The following NTRK3 variants were observed in gnomAD, a reference collection of about 807,000 sequenced individuals.
NTRK3 encodes the protein NT-3 growth factor receptor.
NTRK3 carries 24 observed loss-of-function variants against 91.7 expected under a neutral mutation model. That is an observed-to-expected ratio of 0.26 (90% CI 0.19 to 0.37). The LOEUF (loss-of-function observed/expected upper bound fraction) is 0.37. NTRK3 is among the 10% of genes least tolerant of loss of function. The pLI, the probability that NTRK3 is intolerant of heterozygous loss-of-function variation, is 1.00. For missense variants in NTRK3, 880 were observed against 1,068.9 expected (o/e 0.82, Z 2.46); for synonymous variants, 483 against 404.0 (o/e 1.20, Z -2.34).
chr15:87,901,759 TGG>T (rs869082319), intron 17 of NTRK3, among the ~76,000 whole-genome samples: 12 of 127,706 alleles, frequency 9.4e-5, no homozygotes, highest in African/African-American at 3.9e-4. Flanking sequence ...GGAGGAAAGT[TGG>T]GGAGGGGGGG....
At chr15:87,951,093 C>G (rs1007112163) in intron 14 of NTRK3, among the ~76,000 whole-genome samples, 10 of 152,180 alleles carry the variant, frequency 6.6e-5, no homozygotes, top group Non-Finnish European at 1.2e-4. Flanking sequence ...TCTGAGCAAC[C>G]ATGTGAGCTC....
chr15:87,993,484 C>A (rs766906960), intron 14 of NTRK3, among the ~76,000 whole-genome samples: 8 of 152,054 alleles, frequency 5.3e-5, no homozygotes, highest in Non-Finnish European at 1.2e-4. Context: ...GGAAAGGTGT[C>A]CCATTGTACA....
intron 14 of NTRK3, among the ~76,000 whole-genome samples, chr15:88,017,428 G>A (rs555718831): frequency 6.6e-6 from 1 of 152,362 alleles, no homozygotes; most frequent in East Asian, 1.9e-4. Context: ...CTTCCCCAGA[G>A]TGGCAGCTCC....
At chr15:87,981,194 T>C (rs1371967097) in intron 14 of NTRK3, 2 of 1,555,158 alleles carry the variant, frequency 1.3e-6, no homozygotes, top group Non-Finnish European at 1.7e-6. Flanking sequence ...GGATCTTTAC[T>C]GCATACAAAG....
intron 17 of NTRK3, among the ~76,000 whole-genome samples, chr15:87,896,068 T>C (rs893523572): frequency 6.6e-6 from 1 of 152,078 alleles, no homozygotes; most frequent in Non-Finnish European, 1.5e-5. Flanking sequence ...TAAAAGTATA[T>C]AAAACCAAGA....
intron 13 of NTRK3, among the ~76,000 whole-genome samples, chr15:88,033,528 C>A (rs1312010918): frequency 1.3e-5 from 2 of 151,894 alleles, no homozygotes; most frequent in East Asian, 1.9e-4. Flanking sequence ...CCAGGATGGT[C>A]TCAAACTCCT....
At chr15:87,987,612 T>C (rs2074934751) in intron 14 of NTRK3, among the ~76,000 whole-genome samples, 1 of 152,128 alleles carries the variant, frequency 6.6e-6, no homozygotes, top group East Asian at 1.9e-4. Flanking sequence ...CTTTGTTATA[T>C]ATATATGCAT....
At chr15:88,135,381 C>A in exon 10 of NTRK3, 1 of 1,613,994 alleles carries the variant, frequency 6.2e-7, no homozygotes. Flanking sequence ...CCTCCAGGCT[C>A]ACCACACGTG....
chr15:88,125,716 G>A (rs1029813990), intron 13 of NTRK3, among the ~76,000 whole-genome samples: 1 of 152,186 alleles, frequency 6.6e-6, no homozygotes, highest in African/African-American at 2.4e-5. Flanking sequence ...GTGGAGTGGA[G>A]CACTGTATGT....
intron 13 of NTRK3, among the ~76,000 whole-genome samples, chr15:88,124,151 C>G (rs577665837): frequency 2.2e-4 from 34 of 152,298 alleles, no homozygotes; most frequent in African/African-American, 8.2e-4. Flanking sequence ...AGGCTTAATT[C>G]TAAACAAGGT....
chr15:88,073,254 G>A (rs1416730825), intron 13 of NTRK3, among the ~76,000 whole-genome samples: 1 of 152,208 alleles, frequency 6.6e-6, no homozygotes, highest in African/African-American at 2.4e-5. Flanking sequence ...CGATCTGCCT[G>A]TTAACAAGCC....
chr15:87,933,053 G>T (rs2068946627), exon 16 of NTRK3: 2 of 1,614,104 alleles, frequency 1.2e-6, no homozygotes, highest in Middle Eastern at 1.7e-4. Context: ...TGTATTCAAA[G>T]ACCATGATGA....
In NTRK3 at chr15:88,218,237, G is replaced by A. The variant is rs368942804; in HGVS notation, c.249-33938C>T. Among the ~76,000 whole-genome samples, 10 of 152,286 alleles carry A rather than the reference G, an allele frequency of 6.6e-5. No homozygotes were observed. The South Asian group carries it at 1.2e-3, about 19-fold the overall frequency. ...GCTATAAACAAGACCACTATGTTGA[G>A]GCCTCTGATGGACATTTCTATGCAG... On this transcript the variant is annotated intron_variant, in intron 3 of 18. Transcript: ENST00000394480.
intron 13 of NTRK3, among the ~76,000 whole-genome samples, chr15:88,115,826 C>A (rs2051995132): frequency 6.6e-6 from 1 of 152,120 alleles, no homozygotes; most frequent in Admixed American, 6.5e-5. Flanking sequence ...GGCGGGCAGC[C>A]CGGGCAGCCC....
At chr15:87,874,367 G>A (rs749178362) in exon 19 of NTRK3, 12 of 218,610 alleles carry the variant, frequency 5.5e-5, no homozygotes, top group Middle Eastern at 1.3e-3. Context: ...GTGAAAGCCC[G>A]TGGGCCTAAG....
intron 13 of NTRK3, among the ~76,000 whole-genome samples, chr15:88,081,773 A>G (rs549603629): frequency 6.6e-6 from 1 of 152,106 alleles, no homozygotes; most frequent in Admixed American, 6.5e-5. Flanking sequence ...GTTCCTCCAT[A>G]TGGTAACAGC....
intron 5 of NTRK3, among the ~76,000 whole-genome samples, chr15:88,155,320 G>A (rs2043788695): frequency 6.6e-6 from 1 of 152,156 alleles, no homozygotes; most frequent in South Asian, 2.1e-4. Context: ...GGAAGAGGGG[G>A]CCACAAGCCA....
intron 14 of NTRK3, among the ~76,000 whole-genome samples, chr15:87,947,998 C>T (rs139433340): frequency 1.7e-4 from 26 of 152,102 alleles, no homozygotes; most frequent in Non-Finnish European, 2.5e-4. Flanking sequence ...ATATAAATTT[C>T]TGCCAGCCCT....
At chr15:88,183,324 G>T in intron 5 of NTRK3, 94 bp downstream of exon 5, 1 of 1,298,962 alleles carries the variant, frequency 7.7e-7, no homozygotes, top group Non-Finnish European at 1.1e-6. Context: ...GCCCCTGGAG[G>T]CAAAAAGCCA....
Sources: gnomAD v4.1 joint callset for allele counts (sites outside exome capture counted in the v4.1 genomes callset) on GRCh38, gnomAD v4.1.1 for gene constraint, MANE v1.5 for transcripts, NCBI Gene and HGNC (gene_info 2026-07-23, HGNC 2026-07-21) for gene names.